The following CHD7 variants were observed in gnomAD, a reference collection of about 807,000 sequenced individuals.
The protein encoded by CHD7 is chromodomain helicase DNA binding protein 7, also known as ATP-dependent chromatin remodeler CHD7.
Under a neutral mutation model 307.3 loss-of-function variants are expected in CHD7, and 24 were observed. The observed-to-expected ratio is 0.08, with a 90% CI of 0.06 to 0.11. The LOEUF is 0.11. Ranked by LOEUF, CHD7 falls within the 10% of genes least tolerant of loss-of-function variation. The probability of loss-of-function intolerance (pLI) is 1.00; values close to 1 mark genes in which losing one functional copy is unlikely to be tolerated. For missense variants in CHD7, 3,106 were observed against 3,727.1 expected (o/e 0.83, Z 4.34); for synonymous variants, 1,363 against 1,349.9 (o/e 1.01, Z -0.21).
intron 2 of CHD7, among the ~76,000 whole-genome samples, chr8:60,744,201 G>A (rs1809203196): frequency 6.6e-6 from 1 of 152,162 alleles, no homozygotes; most frequent in African/African-American, 2.4e-5. Context: ...CTTGCTGCAG[G>A]GAATAGGTTG....
chr8:60,724,387 T>A (rs1025005172), intron 1 of CHD7, among the ~76,000 whole-genome samples: 1 of 152,248 alleles, frequency 6.6e-6, no homozygotes, highest in Non-Finnish European at 1.5e-5. Context: ...GGTGACTAGA[T>A]TAAGGTTGGT....
intron 1 of CHD7, among the ~76,000 whole-genome samples, chr8:60,684,416 A>G (rs145792262): frequency 1.3e-5 from 2 of 152,314 alleles, no homozygotes; most frequent in Admixed American, 1.3e-4. Context: ...TGAATTGTCA[A>G]TATAGTGATG....
chr8:60,861,162 G>T (rs1316832275), intron 35 of CHD7, 37 bp downstream of exon 35: 2 of 1,485,030 alleles, frequency 1.3e-6, no homozygotes, highest in Admixed American at 4.0e-5. Flanking sequence ...AAGGAATCTT[G>T]CAGGCCGGTC....
At chr8:60,738,091 T>C (rs1808797741) in intron 1 of CHD7, among the ~76,000 whole-genome samples, 1 of 152,254 alleles carries the variant, frequency 6.6e-6, no homozygotes, top group Non-Finnish European at 1.5e-5. Flanking sequence ...ATTTCATTGC[T>C]AATTTGTTAT....
intron 28 of CHD7, 48 bp downstream of exon 28, chr8:60,851,367 A>C: frequency 7.1e-7 from 1 of 1,405,142 alleles, no homozygotes; most frequent in Non-Finnish European, 9.9e-7. Context: ...TGCACTGAGC[A>C]GTCATTGTTC....
intron 34 of CHD7, among the ~76,000 whole-genome samples, chr8:60,857,970 A>G (rs1805788826): frequency 6.6e-6 from 1 of 152,222 alleles, no homozygotes; most frequent in South Asian, 2.1e-4. Flanking sequence ...AATTTTCAAA[A>G]TTGGGCCGGG....
intron 1 of CHD7, among the ~76,000 whole-genome samples, chr8:60,702,875 A>G (rs1806833381): frequency 6.6e-6 from 1 of 152,186 alleles, no homozygotes; most frequent in Non-Finnish European, 1.5e-5. Context: ...AGCTGGGGCC[A>G]TATGTTTGCA....
intron 3 of CHD7, among the ~76,000 whole-genome samples, chr8:60,784,017 G>A (rs1811379134): frequency 6.6e-6 from 1 of 152,208 alleles, no homozygotes. Context: ...GATAAATTGA[G>A]TATGTCGCAT....
At chr8:60,785,515 A>T (rs892550031) in intron 3 of CHD7, among the ~76,000 whole-genome samples, 2 of 152,220 alleles carry the variant, frequency 1.3e-5, no homozygotes, top group Admixed American at 1.3e-4. Context: ...TAGTATTTGT[A>T]TAGCAGCTTT....
In CHD7 at chr8:60,856,039, T is replaced by A; in HGVS notation, c.7001T>A (p.Val2334Glu). The A allele has an allele frequency of 6.2e-7, 1 of 1,611,748 alleles. No homozygotes were observed. The change falls in exon 33 of 38, where the codon GTA (valine) becomes GAA (glutamate). Residue 2334 changes from valine (V) to glutamate (E), a missense_variant. By Grantham distance (121) the Val-to-Glu change is moderately radical (BLOSUM62 -2). Around this residue, in one of 10 missense-constraint regions of CHD7, gnomAD observed 1,030 missense variants for 1,165.4 expected, o/e 0.88. Coordinates refer to ENST00000423902, the MANE Select transcript of CHD7 (RefSeq NM_017780.4). ...CEAVLKGKWP[V>E]NRRQMFDFQG... ...GCAGTGTTGAAAGGCAAATGGCCAG[T>A]AAATAGGCGCCAGATGTTTGATTTC...
chr8:60,709,012 C>T (rs927000571), intron 1 of CHD7, among the ~76,000 whole-genome samples: 6 of 152,180 alleles, frequency 3.9e-5, no homozygotes, highest in African/African-American at 1.4e-4. Context: ...TGACTCATTG[C>T]TCTGTTTCTC....
At chr8:60,828,265 G>A (rs1219515415) in intron 13 of CHD7, among the ~76,000 whole-genome samples, 1 of 152,206 alleles carries the variant, frequency 6.6e-6, no homozygotes, top group Non-Finnish European at 1.5e-5. Context: ...CAGATGGAGA[G>A]ATGAGAGCAC....
chr8:60,807,793 C>T (rs1485566212), intron 6 of CHD7, among the ~76,000 whole-genome samples: 2 of 152,136 alleles, frequency 1.3e-5, no homozygotes, highest in Non-Finnish European at 2.9e-5. Flanking sequence ...ATTACAAAAC[C>T]CACAATGTAA....
chr8:60,852,306 G>A (rs1805490533), intron 29 of CHD7, 59 bp downstream of exon 29: 3 of 1,483,178 alleles, frequency 2.0e-6, no homozygotes, highest in Admixed American at 1.9e-5. Flanking sequence ...CCCTGCTCCT[G>A]TAGACCCACA....
intron 33 of CHD7, 50 bp from the exon 34 acceptor site, chr8:60,856,395 A>C (rs1280173752): frequency 2.0e-6 from 3 of 1,509,320 alleles, no homozygotes; most frequent in African/African-American, 1.4e-5. Flanking sequence ...CCCATATAGC[A>C]GTACTGTTTT....
intron 21 of CHD7, among the ~76,000 whole-genome samples, 166 bp from the exon 22 acceptor site, chr8:60,844,698 A>G (rs770394125): frequency 6.6e-6 from 1 of 152,168 alleles, no homozygotes; most frequent in Non-Finnish European, 1.5e-5. Flanking sequence ...AGCTTACTGT[A>G]TAAAGGAGTG....
In CHD7 at chr8:60,846,858, C is replaced by G. The variant is rs192759224; in HGVS notation, c.5210+1449C>G. Among the ~76,000 whole-genome samples the G allele has an allele frequency of 4.3e-3, 654 of 152,282 alleles. 3 individuals carry two copies. The highest frequency in any genetic ancestry group is 0.015 in the African/African-American group (630 of 41,548). The stretch of plus-strand genomic sequence containing the variant: ...TTAGGGGGCAGAACCAGGTTTGAAC[C>G]CGAGTAGATGAGGGCAGCCTCAGCT... On this transcript the variant is annotated intron_variant, in intron 23 of 37. Transcript: ENST00000423902.
chr8:60,754,815 C>T (rs766301758), intron 2 of CHD7, among the ~76,000 whole-genome samples: 5 of 152,186 alleles, frequency 3.3e-5, no homozygotes, highest in Admixed American at 2.6e-4. Flanking sequence ...TAGGGATGGT[C>T]GCTGGTATTC....
At chr8:60,727,316 C>A (rs28412751) in intron 1 of CHD7, among the ~76,000 whole-genome samples, 1 of 151,738 alleles carries the variant, frequency 6.6e-6, no homozygotes, top group Non-Finnish European at 1.5e-5. Context: ...TTAGTAGAGA[C>A]GGGGTTTCCC....
Sources: gnomAD v4.1 joint callset for allele counts (sites outside exome capture counted in the v4.1 genomes callset) on GRCh38, gnomAD v4.1.1 for gene constraint, gnomAD v4.1.1 regional missense constraint, MANE v1.5 for transcripts, NCBI Gene and HGNC (gene_info 2026-07-23, HGNC 2026-07-21) for gene names.